The following YIF1B variants were observed in gnomAD, a reference collection of about 807,000 sequenced individuals.
YIF1B encodes the protein Yip1 interacting factor homolog B, membrane trafficking protein.
YIF1B carries 24 observed loss-of-function variants against 34.6 expected under a neutral mutation model. The observed-to-expected ratio is 0.69, with a 90% CI of 0.50 to 0.98. The LOEUF is 0.98. Among genes scored for constraint, YIF1B ranks in the 50% least tolerant of loss-of-function variants. The pLI, the probability that YIF1B is intolerant of heterozygous loss-of-function variation, is 0.00. For synonymous variants in YIF1B, 186 were observed against 184.8 expected (o/e 1.01, Z -0.05); for missense variants, 368 against 429.4 (o/e 0.86, Z 1.26).
At chr19:38,306,542 T>G (rs1969047304) in intron 7 of YIF1B, among the ~76,000 whole-genome samples, 1 of 151,962 alleles carries the variant, frequency 6.6e-6, no homozygotes, top group Non-Finnish European at 1.5e-5. Flanking sequence ...TAAGTCAAAG[T>G]TTATCCAAGG....
rs967399957 is a variant in YIF1B at position 38,315,912 on chromosome 19, G to C, written c.6C>G (p.His2Gln). Residue 2 changes from histidine (H) to glutamine (Q), a missense_variant, in exon 1 of 8, where the codon CAC (histidine) becomes CAG (glutamine). His to Gln is a conservative substitution (Grantham distance 24, BLOSUM62 0). Coordinates refer to ENST00000339413, the MANE Select transcript of YIF1B (RefSeq NM_001039672.3). The part of the protein sequence containing the change: M[H>Q]PAGLAAAAAG... ...CAGCCGCCGCCGCCAAGCCTGCCGG[G>C]TGCATCCTTCGCCGCCGCCACCTAA... 7.5e-6 allele frequency: 11 copies of C among 1,471,680 alleles called. No homozygotes were observed. Among genetic ancestry groups the C allele is most frequent in the Non-Finnish European group, 9.8e-6 (11 of 1,119,856 alleles). The allele number at this position is 1,471,680 out of a possible 1,614,324, so 91.2% of individuals were successfully genotyped here.
chr19:38,320,416 C>T, upstream of YIF1B: 1 of 871,118 alleles, frequency 1.1e-6, no homozygotes, highest in Non-Finnish European at 1.7e-6. Flanking sequence ...CCAGTGAGGA[C>T]CCGGGACCCA....
chr19:38,317,837 C>T (rs1406555771), upstream of YIF1B, among the ~76,000 whole-genome samples: 5 of 151,220 alleles, frequency 3.3e-5, no homozygotes, highest in African/African-American at 1.2e-4. Context: ...GCCTTGGCCT[C>T]CCAAAGCACT....
intron 1 of YIF1B, chr19:38,315,315 A>G: frequency 1.0e-6 from 1 of 999,564 alleles, no homozygotes; most frequent in Non-Finnish European, 1.2e-6. Flanking sequence ...AGGCTGGGTC[A>G]TGTGCCTCCT....
At position 38,304,478 on chromosome 19, in the gene YIF1B, T is replaced by C. The variant is rs1160092390; in HGVS notation, c.*874A>G. On this transcript the variant is annotated 3_prime_UTR_variant, in exon 8 of 8. Transcript: ENST00000339413. Reference sequence around the variant, plus strand: ...AGGGCCGGTCGGAGGCAGGGGCAGGTCCGGGTCCAAAGGTAAGTCGCCTCA... The same window carrying C: ...AGGGCCGGTCGGAGGCAGGGGCAGGCCCGGGTCCAAAGGTAAGTCGCCTCA... 1.9e-6 allele frequency: 3 copies of C among 1,554,828 alleles called. No homozygotes were observed. The highest frequency in any genetic ancestry group is 2.7e-5 in the African/African-American group (2 of 73,360).
In YIF1B at chr19:38,305,313, C is replaced by T. The variant is rs771118773; in HGVS notation, c.*39G>A. Reference sequence around the variant, plus strand: ...TGAGTTCGGCGGCCACAGTGGCCCCCAGCAGCAGCAGCAGCAGCGGGAGGT... The same window carrying T: ...TGAGTTCGGCGGCCACAGTGGCCCCTAGCAGCAGCAGCAGCAGCGGGAGGT... On this transcript the variant is annotated 3_prime_UTR_variant, in exon 8 of 8. Coordinates refer to ENST00000339413, the MANE Select transcript of YIF1B (RefSeq NM_001039672.3). The T allele has an allele frequency of 6.9e-7, 1 of 1,444,334 alleles. No homozygotes were observed. Among genetic ancestry groups the T allele is most frequent in the Admixed American group, 2.0e-5 (1 of 49,414 alleles). 89.5% of individuals were successfully genotyped at this position (1,444,334 alleles called of 1,614,324 possible).
chr19:38,316,262 T>C (rs7246583), upstream of YIF1B, among the ~76,000 whole-genome samples: 1,536 of 152,174 alleles, frequency 0.01, 23 homozygotes, highest in African/African-American at 0.035. Flanking sequence ...CTCCAGCACT[T>C]TGGGAGGCCG....
intron 7 of YIF1B, 150 bp downstream of exon 7, chr19:38,307,278 T>C (rs1470356712): frequency 2.5e-6 from 2 of 800,316 alleles, no homozygotes; most frequent in Non-Finnish European, 4.0e-6. Context: ...GAAGCCCTCC[T>C]GACCCCCCAG....
upstream of YIF1B, chr19:38,320,044 C>T: frequency 6.7e-7 from 1 of 1,503,452 alleles, no homozygotes; most frequent in Non-Finnish European, 8.8e-7. Flanking sequence ...GGAGGGGCCG[C>T]ACGAAGCCAG....
chr19:38,317,791 G>C (rs1380873350), upstream of YIF1B, among the ~76,000 whole-genome samples: 1 of 151,562 alleles, frequency 6.6e-6, no homozygotes, highest in African/African-American at 2.4e-5. Context: ...TGTTGGCCAG[G>C]CTGGTCTCGA....
chr19:38,305,567 TGA>T lies in YIF1B; in HGVS notation c.790-62_790-61del. The T allele has an allele frequency of 2.0e-6, 3 of 1,531,048 alleles. No individual in the cohort carries two copies. In the Admixed American group the frequency reaches 6.0e-5, roughly 30 times the overall value. The allele number at this position is 1,531,048 out of a possible 1,614,324, so 94.8% of individuals were successfully genotyped here. ...TACCCTTGAGCCCTCTGGGCCAGAG[TGA>T]GAGCCCGGACATACTTCCAGCCTCT... On this transcript the variant is annotated intron_variant, in intron 7 of 7. Transcript: ENST00000339413.
At position 38,315,877 on chromosome 19, in the gene YIF1B, G is replaced by A. The variant is rs1351586088; in HGVS notation, c.41C>T (p.Pro14Leu). 6.7e-7 allele frequency: 1 copy of A among 1,492,270 alleles called. No individual in the cohort carries two copies. Among genetic ancestry groups the A allele is most frequent in the Non-Finnish European group, 8.8e-7 (1 of 1,130,092 alleles). The allele number at this position is 1,492,270 out of a possible 1,614,324, so 92.4% of individuals were successfully genotyped here. A position where few individuals can be genotyped will look rare whatever the true frequency, so the allele number is the denominator to read the frequency against. The change falls in exon 1 of 8, where the codon CCC becomes CTC. Residue 14 changes from proline (P) to leucine (L), a missense_variant. Around this residue, in one of 3 missense-constraint regions of YIF1B, gnomAD observed 153 missense variants for 156.7 expected, o/e 0.98. Coordinates refer to ENST00000339413, the MANE Select transcript of YIF1B (RefSeq NM_001039672.3). ...CCACGTACGCCACTTACGCAGCCGGGGCGTCCCCGCAGCCGCCGCCGCCAA... is the reference window on the plus strand; with the variant it reads ...CCACGTACGCCACTTACGCAGCCGGAGCGTCCCCGCAGCCGCCGCCGCCAA... ...AGLAAAAAGT[P>L]RLRKWPSKRR...
At chr19:38,319,017 G>C (rs2145035060), upstream of YIF1B, among the ~76,000 whole-genome samples, 1 of 152,200 alleles carries the variant, frequency 6.6e-6, no homozygotes, top group East Asian at 1.9e-4. Flanking sequence ...GGCAGGGGTG[G>C]TTGCTTCCTC....
Position 38,307,684 on chromosome 19 carries a change from G to A in YIF1B, c.608C>T (p.Ala203Val), listed in dbSNP as rs1969119795. The change falls in exon 6 of 8, where the codon GCC (alanine) becomes GTC (valine). Residue 203 changes from alanine to valine, a missense_variant. Physicochemically the swap from Ala to Val is moderately conservative, Grantham distance 64. This residue lies in a region of YIF1B where 208 missense variants were observed against 247.8 expected (regional missense o/e 0.84). Transcript: ENST00000339413. ...GACCAGATAGAGGCTGAGCAGGATG[G>A]CCAGCACCTCCAGGGTCAGCCAGGC... ...ALAWLTLEVL[A>V]ILLSLYLVTV... 3 of 1,613,594 alleles carry A rather than the reference G, an allele frequency of 1.9e-6. No homozygotes were observed. Among genetic ancestry groups the A allele is most frequent in the Non-Finnish European group, 1.7e-6 (2 of 1,179,978 alleles).
In YIF1B at chr19:38,314,087, G is replaced by A. The variant is rs539412029; in HGVS notation, c.58+1773C>T. 2.8e-4 allele frequency among the ~76,000 whole-genome samples: 43 copies of A among 151,942 alleles called. 1 individual carries two copies. In the East Asian group the frequency reaches 6.2e-3, roughly 22 times the overall value. ...GTTGCCTAGGCTGGAGTGCAATGGC[G>A]CAATCTTGGCTCACTGCAACCTCCG... is the stretch of plus-strand genomic sequence containing the variant. On this transcript the variant is annotated intron_variant, in intron 1 of 7. Transcript: ENST00000339413.
At chr19:38,317,026 C>T (rs991184954), upstream of YIF1B, 2 of 152,200 alleles carry the variant, frequency 1.3e-5, no homozygotes, top group African/African-American at 2.4e-5. Context: ...CCAGGTGTCT[C>T]TCTTGGAATA....
At chr19:38,321,194 C>G (rs566195795), upstream of YIF1B, among the ~76,000 whole-genome samples, 472 of 152,314 alleles carry the variant, frequency 3.1e-3, 5 homozygotes, top group Non-Finnish European at 5.0e-3. Context: ...AAAGACCTCC[C>G]TCCCAACAGA....
At chr19:38,320,370 C>A, upstream of YIF1B, 3 of 1,289,336 alleles carry the variant, frequency 2.3e-6, no homozygotes, top group Non-Finnish European at 3.2e-6. Context: ...ACCCTTATCC[C>A]AATCCCCTCT....
rs775168686 is a variant in YIF1B, at chr19:38,304,581, G to T, written c.*771C>A. The T allele has an allele frequency of 6.2e-7, 1 of 1,611,482 alleles. No homozygotes were observed. Among genetic ancestry groups the T allele is most frequent in the Non-Finnish European group, 8.5e-7 (1 of 1,179,246 alleles). Reference sequence around the variant, plus strand: ...CTGCCTTAGGCCTCCAACTTCAGGGGGCTGGGTAAGGGGCGCCGCCTCACT... The same window carrying T: ...CTGCCTTAGGCCTCCAACTTCAGGGTGCTGGGTAAGGGGCGCCGCCTCACT... On this transcript the variant is annotated 3_prime_UTR_variant, in exon 8 of 8. Coordinates refer to ENST00000339413, the MANE Select transcript of YIF1B (RefSeq NM_001039672.3).
Sources: gnomAD v4.1 joint callset for allele counts (sites outside exome capture counted in the v4.1 genomes callset) on GRCh38, gnomAD v4.1.1 for gene constraint, gnomAD v4.1.1 regional missense constraint, MANE v1.5 for transcripts, NCBI Gene and HGNC (gene_info 2026-07-23, HGNC 2026-07-21) for gene names.